SMYD3: variants seen among roughly 807,000 people sequenced by gnomAD.
The protein encoded by SMYD3 is SET and MYND domain containing 3, also known as histone-lysine N-methyltransferase SMYD3.
Under a neutral mutation model 57.7 loss-of-function variants are expected in SMYD3, and 36 were observed. The observed-to-expected ratio is 0.62, with a 90% CI of 0.48 to 0.82. SMYD3 has a LOEUF of 0.82. Among genes scored for constraint, SMYD3 ranks in the 40% least tolerant of loss-of-function variants. The probability of loss-of-function intolerance (pLI) is 0.00; values close to 1 mark genes in which losing one functional copy is unlikely to be tolerated. For synonymous variants in SMYD3, 211 were observed against 195.0 expected, an observed-to-expected ratio of 1.08 and a Z score of -0.68; for missense variants, 515 against 538.8, an observed-to-expected ratio of 0.96 and a Z score of 0.44.
chr1:246,292,354 C>A (rs1055923119), intron 5 of SMYD3, among the ~76,000 whole-genome samples: 9 of 151,914 alleles, frequency 5.9e-5, no homozygotes, highest in Admixed American at 5.9e-4. Flanking sequence ...ATTAGACTTA[C>A]TATCCAACAC....
At chr1:246,252,530 TTC>T (rs2063813999) in intron 5 of SMYD3, among the ~76,000 whole-genome samples, 1 of 151,918 alleles carries the variant, frequency 6.6e-6, no homozygotes, top group Non-Finnish European at 1.5e-5. Flanking sequence ...TATAAATTTA[TTC>T]TGTTAAAGGT....
chr1:245,787,750 A>T (rs2047103788), intron 10 of SMYD3, among the ~76,000 whole-genome samples: 1 of 152,200 alleles, frequency 6.6e-6, no homozygotes, highest in African/African-American at 2.4e-5. Flanking sequence ...TTAATAGGTA[A>T]AATTTGAAAC....
chr1:245,856,842 G>A (rs929253193), intron 10 of SMYD3, among the ~76,000 whole-genome samples: 3 of 152,164 alleles, frequency 2.0e-5, no homozygotes, highest in African/African-American at 7.2e-5. Context: ...GGAGAAAGAA[G>A]GGTATTTTTC....
At chr1:245,978,298 T>G (rs2058502186) in intron 5 of SMYD3, among the ~76,000 whole-genome samples, 1 of 152,354 alleles carries the variant, frequency 6.6e-6, no homozygotes. Flanking sequence ...GTGCCTCTCA[T>G]GATACCCAAC....
chr1:246,076,210 C>T (rs563362544), intron 5 of SMYD3, among the ~76,000 whole-genome samples: 6 of 152,220 alleles, frequency 3.9e-5, no homozygotes, highest in African/African-American at 1.2e-4. Flanking sequence ...ATAAAGAAAG[C>T]ACCAAAAGAC....
At chr1:245,766,283 G>C (rs1558314724) in intron 10 of SMYD3, among the ~76,000 whole-genome samples, 1 of 151,418 alleles carries the variant, frequency 6.6e-6, no homozygotes, top group African/African-American at 2.4e-5. Context: ...GGCGCCTGTA[G>C]TCCCAGCTAC....
At chr1:246,240,795 C>G (rs771491426) in intron 5 of SMYD3, among the ~76,000 whole-genome samples, 3 of 152,128 alleles carry the variant, frequency 2.0e-5, no homozygotes, top group Non-Finnish European at 4.4e-5. Context: ...TCGCCTTGAA[C>G]AGGTCCTTCA....
chr1:245,823,288 C>G (rs530097186), intron 10 of SMYD3, among the ~76,000 whole-genome samples: 10 of 152,268 alleles, frequency 6.6e-5, no homozygotes, highest in African/African-American at 2.4e-4. Context: ...GCCCTTCCCC[C>G]AAGCTTTCTT....
chr1:246,308,539 C>T (rs2065025150), intron 5 of SMYD3, among the ~76,000 whole-genome samples: 1 of 152,056 alleles, frequency 6.6e-6, no homozygotes, highest in Non-Finnish European at 1.5e-5. Flanking sequence ...CAGAAGAAGG[C>T]CCTCCTAGCC....
chr1:246,099,378 G>A (rs1371322670), intron 5 of SMYD3, among the ~76,000 whole-genome samples: 1 of 152,054 alleles, frequency 6.6e-6, no homozygotes, highest in Non-Finnish European at 1.5e-5. Flanking sequence ...AAAAGAAGTA[G>A]AACTATGTCC....
At chr1:246,364,810 G>T (rs1389684000) in intron 1 of SMYD3, among the ~76,000 whole-genome samples, 1 of 152,108 alleles carries the variant, frequency 6.6e-6, no homozygotes, top group Non-Finnish European at 1.5e-5. Flanking sequence ...AAACAATCGG[G>T]CCCTAGAGTT....
chr1:246,145,975 C>T (rs879852620), intron 5 of SMYD3, among the ~76,000 whole-genome samples: 5 of 152,186 alleles, frequency 3.3e-5, no homozygotes, highest in Non-Finnish European at 7.3e-5. Context: ...AACCCTAATG[C>T]TTTTAAAGCA....
intron 10 of SMYD3, among the ~76,000 whole-genome samples, chr1:245,849,249 G>T (rs2050827078): frequency 6.6e-6 from 1 of 152,204 alleles, no homozygotes; most frequent in Admixed American, 6.5e-5. Context: ...AAATCCAGCA[G>T]CTCCCCTTAG....
intron 10 of SMYD3, among the ~76,000 whole-genome samples, chr1:245,807,193 T>A (rs2048223024): frequency 1.3e-5 from 2 of 152,102 alleles, no homozygotes; most frequent in South Asian, 4.1e-4. Context: ...CCTCCACTCC[T>A]GGCCAAACTG....
intron 5 of SMYD3, among the ~76,000 whole-genome samples, chr1:246,268,032 A>C (rs1414010845): frequency 1.3e-5 from 2 of 152,198 alleles, no homozygotes; most frequent in Non-Finnish European, 2.9e-5. Flanking sequence ...GGTATCACTT[A>C]TCAATTGGGA....
intron 5 of SMYD3, among the ~76,000 whole-genome samples, chr1:246,143,126 T>TACGC: frequency 6.8e-6 from 1 of 146,112 alleles, no homozygotes; most frequent in East Asian, 2.1e-4. Context: ...GTATATTTAA[T>TACGC]ACACACACAC....
intron 5 of SMYD3, among the ~76,000 whole-genome samples, chr1:246,008,966 G>A (rs77283404): frequency 0.063 from 9,568 of 152,182 alleles, 334 homozygotes; most frequent in African/African-American, 0.076. Context: ...AGTGCCAGCC[G>A]TACCGCTTGC....
intron 11 of SMYD3, among the ~76,000 whole-genome samples, chr1:245,758,273 T>C (rs2045693479): frequency 6.6e-6 from 1 of 152,228 alleles, no homozygotes; most frequent in Non-Finnish European, 1.5e-5. Context: ...TTATTAGTTC[T>C]AACATTTTTT....
At position 246,036,363 on chromosome 1, in the gene SMYD3, T is replaced by TC. The variant is rs34590606; in HGVS notation, c.532-106427dup. ...TTCAAAAGACACAACAGGATGACCA[T>TC]CCCCCCATCCACCCCCGCAGTCTCC... On this transcript the variant is annotated intron_variant, in intron 5 of 11. Transcript: ENST00000490107. Among the ~76,000 whole-genome samples the TC allele has an allele frequency of 4.1e-4, 62 of 152,126 alleles. No homozygotes were observed. The Middle Eastern group carries it at 0.01, about 25-fold the overall frequency.
Sources: gnomAD v4.1 joint callset for allele counts (sites outside exome capture counted in the v4.1 genomes callset) on GRCh38, gnomAD v4.1.1 for gene constraint, MANE v1.5 for transcripts, NCBI Gene and HGNC (gene_info 2026-07-23, HGNC 2026-07-21) for gene names.